Variants in HCRTR2 observed in about 807,000 individuals in gnomAD.
HCRTR2 encodes hypocretin receptor 2.
In HCRTR2, 22 loss-of-function variants were observed where a neutral mutation model predicts 49.0. The observed-to-expected ratio is 0.45, with a 90% confidence interval of 0.32 to 0.64. The LOEUF (loss-of-function observed/expected upper bound fraction) is 0.64. HCRTR2 is among the 30% of genes least tolerant of loss of function. The pLI, the probability that HCRTR2 is intolerant of heterozygous loss-of-function variation, is 0.04. For missense variants in HCRTR2, 491 were observed against 559.4 expected (o/e 0.88, Z 1.23); for synonymous variants, 236 against 205.3 (o/e 1.15, Z -1.28).
rs1766944939 is a variant in HCRTR2, at chr6:55,270,114, T to TTA, written c.762+6292_762+6293insTA. The stretch of plus-strand genomic sequence containing the variant: ...AGGATTCTAACATAACCACCAAAGA[T>TTA]CCAGGGAGAAAATTACCCTATTTTT... On this transcript the variant is annotated intron_variant, in intron 4 of 6. Transcript: ENST00000370862. Among the ~76,000 whole-genome samples the TTA allele has an allele frequency of 2.0e-5, 3 of 152,218 alleles. No individual in the cohort carries two copies. The East Asian group carries it at 5.8e-4, about 29-fold the overall frequency.
At chr6:55,119,557 T>A (rs1483256219) in intron 1 of HCRTR2, among the ~76,000 whole-genome samples, 3 of 152,128 alleles carry the variant, frequency 2.0e-5, no homozygotes, top group African/African-American at 7.2e-5. Flanking sequence ...TTTTCATACG[T>A]CTGTTCACTG....
chr6:55,262,135 A>G (rs1356287249), intron 3 of HCRTR2, among the ~76,000 whole-genome samples: 1 of 151,602 alleles, frequency 6.6e-6, no homozygotes, highest in Admixed American at 6.6e-5. Flanking sequence ...AGAGGGGGTG[A>G]AGGATAAAAG....
chr6:55,262,546 T>A (rs1247424539), intron 3 of HCRTR2, among the ~76,000 whole-genome samples: 1 of 131,498 alleles, frequency 7.6e-6, no homozygotes, highest in Non-Finnish European at 1.6e-5. Context: ...TAATATAATA[T>A]AACTTATTAT....
In HCRTR2 at chr6:55,279,808, G is replaced by C. The variant is rs3800542; in HGVS notation, c.984-515G>C. ...AAAAATTACCAAAATTCTGCCCATC[G>C]AGAACTGTTTCTTCTCTGGGTATTA... On this transcript the variant is annotated intron_variant, in intron 5 of 6. Coordinates refer to ENST00000370862, the MANE Select transcript of HCRTR2 (RefSeq NM_001384272.1). Among the ~76,000 whole-genome samples the C allele has an allele frequency of 9.1e-3, 1,387 of 151,786 alleles. 51 individuals are homozygous for C. The East Asian group carries it at 0.12, about 13-fold the overall frequency.
chr6:55,121,710 T>C lies in HCRTR2; in HGVS notation c.-378+15165T>C, dbSNP rs139032477. ...TGTCAAAGGCCTTTTCTGCGTCTAT[T>C]GAGATAATCATGTGGTTTTTGTCTT... On this transcript the variant is annotated intron_variant, in intron 1 of 7. Transcript: ENST00000615358. Among the ~76,000 whole-genome samples the C allele has an allele frequency of 1.9e-3, 291 of 152,274 alleles. 2 individuals are homozygous for C. The highest frequency in any genetic ancestry group is 6.8e-3 in the African/African-American group (282 of 41,564).
chr6:55,170,852 G>A (rs36167301), upstream of HCRTR2, among the ~76,000 whole-genome samples: 1,127 of 150,854 alleles, frequency 7.5e-3, 9 homozygotes, highest in Middle Eastern at 0.031. Flanking sequence ...TTGTCCTTGC[G>A]ATAGTTTGCT....
intron 1 of HCRTR2, among the ~76,000 whole-genome samples, chr6:55,109,342 C>G (rs557127424): frequency 6.6e-6 from 1 of 152,192 alleles, no homozygotes; most frequent in South Asian, 2.1e-4. Context: ...ATCACACTAG[C>G]TCACCAGCAA....
chr6:55,262,106 A>G (rs1038847936), intron 3 of HCRTR2, among the ~76,000 whole-genome samples: 1 of 151,674 alleles, frequency 6.6e-6, no homozygotes, highest in African/African-American at 2.4e-5. Context: ...GACTTCAGGT[A>G]CTCAGGGGAA....
chr6:55,208,594 G>A (rs926679326), intron 1 of HCRTR2, among the ~76,000 whole-genome samples: 10 of 152,090 alleles, frequency 6.6e-5, no homozygotes, highest in African/African-American at 2.2e-4. Flanking sequence ...GGAAATGAGA[G>A]GGTTTATACA....
chr6:55,198,567 G>T (rs1765458629), intron 1 of HCRTR2, among the ~76,000 whole-genome samples: 1 of 152,100 alleles, frequency 6.6e-6, no homozygotes, highest in Admixed American at 6.5e-5. Flanking sequence ...AGTGTTCTGG[G>T]TGTCATTTCT....
intron 1 of HCRTR2, among the ~76,000 whole-genome samples, chr6:55,118,500 A>T (rs1676224827): frequency 6.6e-6 from 1 of 151,962 alleles, no homozygotes; most frequent in Non-Finnish European, 1.5e-5. Context: ...TGGCTGAACT[A>T]ATTTACACTC....
chr6:55,187,981 A>G (rs1327980807), intron 1 of HCRTR2, among the ~76,000 whole-genome samples: 5 of 151,638 alleles, frequency 3.3e-5, no homozygotes, highest in Admixed American at 2.6e-4. Context: ...ACAGGTTTTC[A>G]CCATGTTAGC....
intron 1 of HCRTR2, among the ~76,000 whole-genome samples, chr6:55,162,864 A>G (rs185391991): frequency 4.6e-5 from 7 of 152,316 alleles, no homozygotes; most frequent in Admixed American, 3.9e-4. Flanking sequence ...GATAGGAAGA[A>G]TCAATATCAT....
At chr6:55,231,852 T>TG (rs548682667) in intron 1 of HCRTR2, among the ~76,000 whole-genome samples, 54 of 152,274 alleles carry the variant, frequency 3.5e-4, no homozygotes, top group African/African-American at 1.2e-3. Context: ...CTAAATTTAA[T>TG]CTTACCTTAT....
intron 1 of HCRTR2, among the ~76,000 whole-genome samples, chr6:55,142,127 G>A: frequency 6.6e-6 from 1 of 152,040 alleles, no homozygotes; most frequent in East Asian, 1.9e-4. Flanking sequence ...TTATTGAAGA[G>A]AATTAGTTAA....
At chr6:55,207,814 T>C (rs1179823813) in intron 1 of HCRTR2, among the ~76,000 whole-genome samples, 3 of 152,156 alleles carry the variant, frequency 2.0e-5, no homozygotes, top group Non-Finnish European at 4.4e-5. Context: ...TTTTCTAACC[T>C]CTAAGAGTAT....
At chr6:55,262,743 T>C (rs893510796) in intron 3 of HCRTR2, among the ~76,000 whole-genome samples, 2 of 109,222 alleles carry the variant, frequency 1.8e-5, no homozygotes, top group Admixed American at 2.0e-4. Context: ...GTAGGGAATA[T>C]ATATATATGT....
chr6:55,248,172 A>G (rs955563656), intron 1 of HCRTR2, among the ~76,000 whole-genome samples: 2 of 152,148 alleles, frequency 1.3e-5, no homozygotes, highest in Non-Finnish European at 2.9e-5. Context: ...GTTAGCTCTT[A>G]CCTTAAAAAA....
intron 1 of HCRTR2, among the ~76,000 whole-genome samples, chr6:55,181,661 G>A (rs1253171883): frequency 6.6e-6 from 1 of 152,166 alleles, no homozygotes; most frequent in East Asian, 1.9e-4. Context: ...AGTGCTTGAA[G>A]TGATTTAAAA....
Sources: allele counts gnomAD v4.1 joint callset (sites outside exome capture counted in the v4.1 genomes callset), GRCh38; gene constraint gnomAD v4.1.1; transcripts MANE v1.5; gene names NCBI Gene and HGNC (gene_info 2026-07-23, HGNC 2026-07-21).